DEK: variants seen among roughly 807,000 people sequenced by gnomAD.
DEK encodes the protein DEK proto-oncogene, also known as protein DEK.
DEK carries 28 observed loss-of-function variants against 46.8 expected under a neutral mutation model. The ratio of observed to expected loss-of-function variants is 0.60; its 90% confidence interval spans 0.44 to 0.82. DEK has a LOEUF of 0.82. Ranked by LOEUF, DEK falls within the 40% of genes least tolerant of loss-of-function variation. The probability of loss-of-function intolerance (pLI) is 0.00; values close to 1 mark genes in which losing one functional copy is unlikely to be tolerated. For synonymous variants in DEK, 160 were observed against 144.5 expected (o/e 1.11, Z -0.77); for missense variants, 416 against 430.6 (o/e 0.97, Z 0.30).
intron 2 of DEK, among the ~76,000 whole-genome samples, chr6:18,263,621 C>T (rs371049521): frequency 2.0e-5 from 3 of 152,184 alleles, no homozygotes; most frequent in Non-Finnish European, 2.9e-5. Context: ...TCCAATACAT[C>T]TCTACCACGC....
At chr6:18,230,183 G>C (rs1396669303) in intron 9 of DEK, among the ~76,000 whole-genome samples, 2 of 152,140 alleles carry the variant, frequency 1.3e-5, no homozygotes, top group South Asian at 2.1e-4. Context: ...AATGCTGAGA[G>C]ATTTTGTCAC....
At chr6:18,247,940 G>A (rs1044507732) in intron 7 of DEK, among the ~76,000 whole-genome samples, 2 of 152,066 alleles carry the variant, frequency 1.3e-5, no homozygotes, top group African/African-American at 4.8e-5. Flanking sequence ...CCAAAGTGCT[G>A]GGATTACAGG....
intron 7 of DEK, among the ~76,000 whole-genome samples, chr6:18,246,458 G>A (rs1337678640): frequency 6.6e-6 from 1 of 152,142 alleles, no homozygotes. Context: ...AAAAACAGAG[G>A]TAGAGGTACA....
At chr6:18,236,907 G>A (rs1046989380) in intron 8 of DEK, 22 of 209,292 alleles carry the variant, frequency 1.1e-4, no homozygotes, top group African/African-American at 3.3e-4. Context: ...TTCCATACCC[G>A]ACCTCGTGTG....
intron 6 of DEK, among the ~76,000 whole-genome samples, chr6:18,252,720 A>G (rs1791441658): frequency 6.6e-6 from 1 of 152,152 alleles, no homozygotes; most frequent in Non-Finnish European, 1.5e-5. Flanking sequence ...CTATTTTCAT[A>G]ATAATAGCAA....
intron 7 of DEK, among the ~76,000 whole-genome samples, chr6:18,239,360 T>A (rs1221872688): frequency 4.9e-5 from 7 of 143,212 alleles, no homozygotes; most frequent in Non-Finnish European, 9.3e-5. Flanking sequence ...TTTTTTTTTT[T>A]TAAAAAAAAG....
intron 2 of DEK, among the ~76,000 whole-genome samples, chr6:18,262,756 T>C (rs1791933996): frequency 1.3e-5 from 2 of 152,244 alleles, no homozygotes; most frequent in African/African-American, 4.8e-5. Context: ...TTTGTTGTTG[T>C]ATTAAAAATA....
At chr6:18,235,067 T>G (rs1441655127) in intron 9 of DEK, among the ~76,000 whole-genome samples, 1 of 152,192 alleles carries the variant, frequency 6.6e-6, no homozygotes, top group African/African-American at 2.4e-5. Flanking sequence ...TCCTCTCCAC[T>G]CCACACTGTC....
intron 7 of DEK, among the ~76,000 whole-genome samples, chr6:18,245,421 C>A (rs1157416963): frequency 2.0e-5 from 3 of 151,204 alleles, no homozygotes; most frequent in African/African-American, 7.3e-5. Flanking sequence ...ATTAGTAAGG[C>A]TGACAATTAT....
At chr6:18,254,765 G>A (rs1219965672) in intron 6 of DEK, among the ~76,000 whole-genome samples, 1 of 152,146 alleles carries the variant, frequency 6.6e-6, no homozygotes, top group African/African-American at 2.4e-5. Context: ...TATAGCTATA[G>A]TAAAAGTTAG....
rs1789997633 is a variant in DEK at position 18,224,022 on chromosome 6, G to A, written c.*1697C>T. ...AACCTTAATTATTCAGTTTTGTGAA[G>A]TCACTCCAAGAAAATGGTCCATTAC... On this transcript the variant is annotated 3_prime_UTR_variant, in exon 11 of 11. Transcript: ENST00000652689. 6.4e-6 allele frequency: 1 copy of A among 155,406 alleles called. No individual in the cohort carries two copies. The highest frequency in any genetic ancestry group is 1.4e-5 in the Non-Finnish European group (1 of 70,112). The allele number at this position is 155,406 out of a possible 1,614,324, so 9.6% of individuals were successfully genotyped here.
Position 18,237,240 on chromosome 6 carries a change from A to G in DEK, c.898+141T>C. On this transcript the variant is annotated intron_variant, in intron 8 of 10. Transcript: ENST00000652689. Reference sequence around the variant, plus strand: ...CTTCCTGTCCCAAGCATTTCAGATAAGGGATATTCAACCTGTATTACTTCT... The same window carrying G: ...CTTCCTGTCCCAAGCATTTCAGATAGGGGATATTCAACCTGTATTACTTCT... 3 of 929,492 alleles carry G rather than the reference A, an allele frequency of 3.2e-6. No individual in the cohort carries two copies. The South Asian group carries it at 6.5e-5, about 20-fold the overall frequency. The allele number at this position is 929,492 out of a possible 1,614,324, so 57.6% of individuals were successfully genotyped here. A position where few individuals can be genotyped will look rare whatever the true frequency, so the allele number is the denominator to read the frequency against.
At chr6:18,261,964 A>C (rs1791892006) in intron 2 of DEK, among the ~76,000 whole-genome samples, 1 of 152,116 alleles carries the variant, frequency 6.6e-6, no homozygotes, top group African/African-American at 2.4e-5. Context: ...TTGAAAAGTG[A>C]TTTGCAATGC....
At chr6:18,249,520 C>T (rs746378812) in intron 7 of DEK, 131 bp downstream of exon 7, 10 of 1,335,448 alleles carry the variant, frequency 7.5e-6, no homozygotes, top group Non-Finnish European at 9.8e-6. Flanking sequence ...TGGGTTCATA[C>T]TTAATCATTT....
chr6:18,237,107 GATGAAT>G, intron 8 of DEK: 1 of 313,106 alleles, frequency 3.2e-6, no homozygotes, highest in Non-Finnish European at 5.7e-6. Context: ...GGCTATTTAA[GATGAAT>G]ATGAAACATG....
In DEK at chr6:18,263,828, T is replaced by C; in HGVS notation, c.145+15A>G. On this transcript the variant is annotated intron_variant, in intron 2 of 10. Coordinates refer to ENST00000652689, the MANE Select transcript of DEK (RefSeq NM_003472.4). ...GGTCTGAAAAATTCATCAGTTGGGA[T>C]GCGACTCCCCCCACCTTTTTCCTCC... 1 of 1,611,892 alleles carries C rather than the reference T, an allele frequency of 6.2e-7. No individual in the cohort carries two copies. Among genetic ancestry groups the C allele is most frequent in the Non-Finnish European group, 8.5e-7 (1 of 1,179,030 alleles).
intron 9 of DEK, among the ~76,000 whole-genome samples, chr6:18,229,772 G>C (rs561753382): frequency 4.6e-5 from 7 of 152,176 alleles, no homozygotes; most frequent in African/African-American, 1.7e-4. Flanking sequence ...TGAAAGTGAC[G>C]GGGAGAATGG....
At chr6:18,226,630 A>C (rs904223469) in intron 9 of DEK, among the ~76,000 whole-genome samples, 1 of 152,200 alleles carries the variant, frequency 6.6e-6, no homozygotes, top group Admixed American at 6.5e-5. Context: ...AAATTTAAAA[A>C]GTAGCCAGGC....
chr6:18,226,127 T>A, intron 10 of DEK, 47 bp downstream of exon 10: 1 of 1,217,072 alleles, frequency 8.2e-7, no homozygotes, highest in South Asian at 1.8e-5. Flanking sequence ...TGTAATTACT[T>A]TTGTCTTATA....
Sources: gnomAD v4.1 joint callset for allele counts (sites outside exome capture counted in the v4.1 genomes callset) on GRCh38, gnomAD v4.1.1 for gene constraint, MANE v1.5 for transcripts, NCBI Gene and HGNC (gene_info 2026-07-23, HGNC 2026-07-21) for gene names.